Variants in PCDH15 observed in about 807,000 individuals in gnomAD.
PCDH15 encodes the protein protocadherin-15.
In PCDH15, 129 loss-of-function variants were observed where a neutral mutation model predicts 178.5. That is an observed-to-expected ratio of 0.72 (90% CI 0.63 to 0.84). PCDH15 has a LOEUF of 0.84. Ranked by LOEUF, PCDH15 falls within the 40% of genes least tolerant of loss-of-function variation. The probability of loss-of-function intolerance (pLI) is 0.00; values close to 1 mark genes in which losing one functional copy is unlikely to be tolerated. For missense variants in PCDH15, 2,230 were observed against 2,099.9 expected (o/e 1.06, Z -1.21); for synonymous variants, 800 against 732.0 (o/e 1.09, Z -1.50).
intron 29 of PCDH15, among the ~76,000 whole-genome samples, chr10:53,834,914 A>T (rs1404720578): frequency 6.6e-6 from 1 of 152,150 alleles, no homozygotes; most frequent in Non-Finnish European, 1.5e-5. Flanking sequence ...TGTACTCTAG[A>T]CAGTAGAGGG....
chr10:55,529,578 G>A lies in PCDH15; in HGVS notation c.-156+98047C>T, dbSNP rs1841395941. ...CAAATCCATGTGAGAGATACAAGAT[G>A]CATTTGCTTTTTTATCACTTTACTT... On this transcript the variant is annotated intron_variant, in intron 2 of 5. Transcript: ENST00000613346. Among the ~76,000 whole-genome samples, 5 of 151,348 alleles carry A rather than the reference G, an allele frequency of 3.3e-5. No homozygotes were observed. The South Asian group carries it at 6.2e-4, about 19-fold the overall frequency.
chr10:55,501,230 G>A (rs144968959), intron 2 of PCDH15, among the ~76,000 whole-genome samples: 220 of 151,812 alleles, frequency 1.4e-3, no homozygotes, highest in East Asian at 6.1e-3. Flanking sequence ...GAGAGGAAAG[G>A]AGGGATCCAC....
intron 3 of PCDH15, among the ~76,000 whole-genome samples, chr10:54,417,589 G>A (rs1391348580): frequency 6.6e-6 from 1 of 152,082 alleles, no homozygotes; most frequent in African/African-American, 2.4e-5. Flanking sequence ...AGGAAAAAAT[G>A]CTTGATGTAA....
At chr10:54,606,883 A>G (rs781260804) in intron 2 of PCDH15, 1 of 152,122 alleles carries the variant, frequency 6.6e-6, no homozygotes, top group Non-Finnish European at 1.5e-5. Flanking sequence ...CAGAAGGATG[A>G]GAGAGGAAGA....
intron 2 of PCDH15, among the ~76,000 whole-genome samples, chr10:54,966,700 T>G (rs1838801565): frequency 6.6e-6 from 1 of 152,058 alleles, no homozygotes. Context: ...ATAAGTCTCA[T>G]GAGATCTGAT....
In PCDH15 at chr10:55,488,774, A is replaced by T. The variant is rs150303039; in HGVS notation, c.-156+138851T>A. 2.6e-5 allele frequency among the ~76,000 whole-genome samples: 4 copies of T among 151,666 alleles called. No individual in the cohort carries two copies. In the East Asian group the frequency reaches 7.8e-4, roughly 30 times the overall value. ...TTATCATGAGAAGTATAAAACAGTT[A>T]CCTAGAAATTCAAAGTTGCCAATGG... On this transcript the variant is annotated intron_variant, in intron 2 of 5. Coordinates refer to the PCDH15 transcript ENST00000613346.
intron 14 of PCDH15, among the ~76,000 whole-genome samples, chr10:54,138,019 G>A (rs1254831043): frequency 6.6e-6 from 1 of 152,086 alleles, no homozygotes; most frequent in African/African-American, 2.4e-5. Context: ...TGTCTAGTCA[G>A]AACAGCATTT....
chr10:54,260,246 T>G lies in PCDH15; in HGVS notation c.877-23315A>C, dbSNP rs185037771. ...TATTAGAAGATTTTCCATGTGTTCT[T>G]TCTGGGAGAAACTATTTAAAAAGTC... On this transcript the variant is annotated intron_variant, in intron 8 of 37. Coordinates refer to ENST00000644397, the MANE Select transcript of PCDH15 (RefSeq NM_001384140.1). Among the ~76,000 whole-genome samples the G allele has an allele frequency of 3.3e-5, 5 of 152,298 alleles. No homozygotes were observed. In the East Asian group the frequency reaches 9.6e-4, roughly 29 times the overall value.
chr10:54,175,245 C>G (rs1351276637), intron 13 of PCDH15, among the ~76,000 whole-genome samples: 1 of 152,068 alleles, frequency 6.6e-6, no homozygotes, highest in African/African-American at 2.4e-5. Flanking sequence ...TATGGCCATA[C>G]CACTCTGAAC....
At chr10:54,007,107 A>T (rs1365329846) in intron 20 of PCDH15, among the ~76,000 whole-genome samples, 2 of 152,136 alleles carry the variant, frequency 1.3e-5, no homozygotes, top group African/African-American at 4.8e-5. Context: ...TTTCAGATTC[A>T]TATTCAGTTT....
chr10:54,977,037 A>G (rs942729000), intron 2 of PCDH15, among the ~76,000 whole-genome samples: 3 of 152,210 alleles, frequency 2.0e-5, no homozygotes, highest in Non-Finnish European at 4.4e-5. Flanking sequence ...TATTAAAATG[A>G]CCATAAAGAA....
intron 18 of PCDH15, among the ~76,000 whole-genome samples, chr10:54,059,411 CTTATA>C (rs893219619): frequency 6.6e-6 from 1 of 152,134 alleles, no homozygotes; most frequent in African/African-American, 2.4e-5. Context: ...CCCTATTTAT[CTTATA>C]TAACAATAAG....
chr10:55,266,763 G>C (rs1842308342), intron 1 of PCDH15, among the ~76,000 whole-genome samples: 1 of 152,078 alleles, frequency 6.6e-6, no homozygotes, highest in South Asian at 2.1e-4. Context: ...GAACCACACA[G>C]AGTCTGGCCA....
chr10:54,372,223 A>G (rs1287655857), intron 4 of PCDH15, among the ~76,000 whole-genome samples: 1 of 151,916 alleles, frequency 6.6e-6, no homozygotes, highest in East Asian at 1.9e-4. Flanking sequence ...AAAACATTCT[A>G]TCTCAACTTC....
At chr10:55,270,082 T>C (rs1390031245) in intron 1 of PCDH15, among the ~76,000 whole-genome samples, 2 of 152,178 alleles carry the variant, frequency 1.3e-5, no homozygotes, top group Non-Finnish European at 2.9e-5. Flanking sequence ...GCTAGCCATA[T>C]GCACAAGAAT....
chr10:54,917,004 A>C (rs1298758771), intron 2 of PCDH15, among the ~76,000 whole-genome samples: 1 of 152,170 alleles, frequency 6.6e-6, no homozygotes, highest in African/African-American at 2.4e-5. Flanking sequence ...GTACGGGTAG[A>C]GTGAGCTCTT....
At position 53,973,310 on chromosome 10, in the gene PCDH15, A is replaced by G. The variant is rs1234945068; in HGVS notation, c.2869-11418T>C. ...CTGTCATGGGGTGGGGGGAGGGGGGAGGGATAGCATTAGGAGATATACCTA... is the reference window on the plus strand; with the variant it reads ...CTGTCATGGGGTGGGGGGAGGGGGGGGGGATAGCATTAGGAGATATACCTA... On this transcript the variant is annotated intron_variant, in intron 21 of 37. Transcript: ENST00000644397. Among the ~76,000 whole-genome samples the G allele has an allele frequency of 3.5e-3, 427 of 123,274 alleles. 1 individual carries two copies. Among genetic ancestry groups the G allele is most frequent in the African/African-American group, 0.013 (417 of 33,010 alleles). The allele number at this position is 123,274 out of a possible 152,430, so 80.9% of individuals were successfully genotyped here. A position where few individuals can be genotyped will look rare whatever the true frequency, so the allele number is the denominator to read the frequency against.
intron 2 of PCDH15, among the ~76,000 whole-genome samples, chr10:55,532,331 TG>T (rs1841472870): frequency 6.6e-6 from 1 of 152,046 alleles, no homozygotes; most frequent in African/African-American, 2.4e-5. Context: ...TCTTAATACT[TG>T]GTGAAACTTG....
At chr10:53,908,435 T>C (rs751815259) in intron 25 of PCDH15, among the ~76,000 whole-genome samples, 2 of 152,224 alleles carry the variant, frequency 1.3e-5, no homozygotes, top group Non-Finnish European at 2.9e-5. Context: ...GTGGAACTTA[T>C]CAAAATATGC....
Sources: gnomAD v4.1 joint callset for allele counts (sites outside exome capture counted in the v4.1 genomes callset) on GRCh38, gnomAD v4.1.1 for gene constraint, MANE v1.5 for transcripts, NCBI Gene and HGNC (gene_info 2026-07-23, HGNC 2026-07-21) for gene names.